ECT2L: variants seen among roughly 807,000 people sequenced by gnomAD.
The protein encoded by ECT2L is epithelial cell-transforming sequence 2 oncogene-like.
In ECT2L, 126 loss-of-function variants were observed where a neutral mutation model predicts 122.8. The ratio of observed to expected loss-of-function variants is 1.03; its 90% CI spans 0.89 to 1.19. The LOEUF (loss-of-function observed/expected upper bound fraction) is 1.19, where lower values mean the gene tolerates loss of function less well. Among genes scored for constraint, ECT2L ranks in the 50% most tolerant of loss-of-function variants. The probability of loss-of-function intolerance (pLI) is 0.00; values close to 1 mark genes in which losing one functional copy is unlikely to be tolerated. For synonymous variants in ECT2L, 385 were observed against 381.8 expected, an observed-to-expected ratio of 1.01 and a Z score of -0.10; for missense variants, 1,012 against 1,064.1, an observed-to-expected ratio of 0.95 and a Z score of 0.68.
intron 10 of ECT2L, among the ~76,000 whole-genome samples, chr6:138,862,292 G>A (rs1253130414): frequency 6.6e-6 from 1 of 152,184 alleles, no homozygotes; most frequent in East Asian, 1.9e-4. Context: ...GGCATCTGGT[G>A]AGGGCCTCAG....
chr6:138,815,307 C>T (rs867641097), intron 4 of ECT2L, among the ~76,000 whole-genome samples: 3 of 152,298 alleles, frequency 2.0e-5, no homozygotes, highest in Non-Finnish European at 2.9e-5. Context: ...CAAAACAACC[C>T]GTGGCTTGTT....
chr6:138,819,370 T>C (rs1360477385), intron 4 of ECT2L, among the ~76,000 whole-genome samples: 2 of 152,176 alleles, frequency 1.3e-5, no homozygotes, highest in Non-Finnish European at 2.9e-5. Context: ...CTTGAAGTTC[T>C]CACTCCCATT....
At chr6:138,889,176 G>T in intron 20 of ECT2L, 145 bp downstream of exon 20, 1 of 367,464 alleles carries the variant, frequency 2.7e-6, no homozygotes, top group Non-Finnish European at 5.0e-6. Flanking sequence ...AAGTTACAGA[G>T]GACTCCCTCT....
chr6:138,831,446 G>A (rs2128383780), intron 4 of ECT2L, among the ~76,000 whole-genome samples: 1 of 152,264 alleles, frequency 6.6e-6, no homozygotes, highest in South Asian at 2.1e-4. Context: ...CATAGTTCCT[G>A]GTGCTTCAGC....
At chr6:138,890,849 G>GTT (rs66472461) in intron 20 of ECT2L, among the ~76,000 whole-genome samples, 3 of 151,770 alleles carry the variant, frequency 2.0e-5, no homozygotes, top group African/African-American at 7.3e-5. Context: ...TAGGTTGGTG[G>GTT]TTTTTTCTTT....
rs1776338991 is a variant in ECT2L, at chr6:138,823,622, A to C, written c.179+9019A>C. ...CCATCCAAGTCACAGAAAGCATTGC[A>C]CTCTTTCACAGCTGCCTCAACCCAA... On this transcript the variant is annotated intron_variant, in intron 4 of 21. Coordinates refer to ENST00000541398, the MANE Select transcript of ECT2L (RefSeq NM_001077706.3). The C allele has an allele frequency of 2.7e-5, 38 of 1,410,344 alleles. 8 individuals are homozygous for C. The highest frequency in any genetic ancestry group is 3.6e-5 in the Non-Finnish European group (38 of 1,044,738). 87.4% of individuals were successfully genotyped at this position (1,410,344 alleles called of 1,614,324 possible). A position where few individuals can be genotyped will look rare whatever the true frequency, so the allele number is the denominator to read the frequency against.
chr6:138,862,413 G>A (rs1395331196), intron 10 of ECT2L, among the ~76,000 whole-genome samples: 1 of 152,066 alleles, frequency 6.6e-6, no homozygotes, highest in Non-Finnish European at 1.5e-5. Flanking sequence ...ACCAGATCTT[G>A]TGTGAACTCA....
At chr6:138,896,535 G>A (rs543372950) in intron 20 of ECT2L, among the ~76,000 whole-genome samples, 3 of 152,206 alleles carry the variant, frequency 2.0e-5, no homozygotes, top group Admixed American at 2.0e-4. Context: ...ACTCATTTTG[G>A]GGACCCCAAA....
At chr6:138,799,547 G>T (rs189208555) in intron 1 of ECT2L, among the ~76,000 whole-genome samples, 1 of 151,640 alleles carries the variant, frequency 6.6e-6, no homozygotes, top group African/African-American at 2.4e-5. Flanking sequence ...GAGCCACCGC[G>T]CCCGGCCTCT....
chr6:138,873,786 C>A (rs997588529), intron 13 of ECT2L, among the ~76,000 whole-genome samples: 3 of 151,950 alleles, frequency 2.0e-5, no homozygotes, highest in African/African-American at 7.3e-5. Flanking sequence ...AAGAGCAAGA[C>A]TTTGTCTCAA....
intron 20 of ECT2L, among the ~76,000 whole-genome samples, chr6:138,900,307 C>T (rs968017035): frequency 2.0e-5 from 3 of 151,750 alleles, no homozygotes; most frequent in African/African-American, 4.8e-5. Context: ...AGTGCAGTGG[C>T]GCAATCTCAA....
intron 20 of ECT2L, 100 bp downstream of exon 20, chr6:138,889,131 A>C (rs1363660840): frequency 6.1e-6 from 3 of 494,200 alleles, no homozygotes; most frequent in Non-Finnish European, 1.0e-5. Context: ...TGTCTGACAC[A>C]GTAGGTTTGA....
At chr6:138,842,542 T>C (rs562246668) in intron 5 of ECT2L, among the ~76,000 whole-genome samples, 92 of 151,682 alleles carry the variant, frequency 6.1e-4, no homozygotes, top group African/African-American at 1.9e-3. Flanking sequence ...GAGGCCAAGG[T>C]GGGCGGATCA....
intron 10 of ECT2L, among the ~76,000 whole-genome samples, chr6:138,861,807 A>C (rs933553131): frequency 3.3e-5 from 5 of 152,276 alleles, no homozygotes; most frequent in African/African-American, 1.2e-4. Context: ...TGCCCAGGGA[A>C]GGGGCTAAAT....
intron 20 of ECT2L, among the ~76,000 whole-genome samples, chr6:138,898,435 C>T (rs921158027): frequency 9.9e-5 from 15 of 152,160 alleles, no homozygotes; most frequent in Admixed American, 8.5e-4. Context: ...CTAACGCTGT[C>T]CAAGTAGCTG....
At chr6:138,868,056 A>G (rs750926386) in intron 12 of ECT2L, 47 bp from the exon 13 acceptor site, 10 of 1,335,434 alleles carry the variant, frequency 7.5e-6, no homozygotes, top group Non-Finnish European at 1.0e-5. Context: ...TTTAAATCAC[A>G]TTTCTTACAT....
At chr6:138,853,855 C>A (rs1399390738) in intron 9 of ECT2L, among the ~76,000 whole-genome samples, 171 bp from the exon 10 acceptor site, 1 of 152,152 alleles carries the variant, frequency 6.6e-6, no homozygotes, top group African/African-American at 2.4e-5. Context: ...GAGACCAGGA[C>A]CATGGAGATG....
In ECT2L at chr6:138,881,049, A is replaced by C. The variant is rs775828383; in HGVS notation, c.1758A>C (p.Glu586Asp). 6.2e-7 allele frequency: 1 copy of C among 1,614,170 alleles called. No homozygotes were observed. Among genetic ancestry groups the C allele is most frequent in the South Asian group, 1.1e-5 (1 of 91,082 alleles). The change falls in exon 15 of 22, where the codon GAA becomes GAC. Residue 586 changes from glutamate (E) to aspartate (D), a missense_variant. Glu to Asp is a conservative substitution (Grantham distance 45, BLOSUM62 2). Coordinates refer to ENST00000541398, the MANE Select transcript of ECT2L (RefSeq NM_001077706.3). ...AGAGAAAATACGTGCAGATACTGGAAATTGTGAGAGATGTTTATGTCGCAC... is the reference window on the plus strand; with the variant it reads ...AGAGAAAATACGTGCAGATACTGGACATTGTGAGAGATGTTTATGTCGCAC... ...QSERKYVQILEIVRDVYVAPL... is the reference protein window; with the variant it reads ...QSERKYVQILDIVRDVYVAPL...
intron 20 of ECT2L, among the ~76,000 whole-genome samples, chr6:138,892,936 C>T (rs1400503943): frequency 6.6e-6 from 1 of 152,182 alleles, no homozygotes; most frequent in Non-Finnish European, 1.5e-5. Flanking sequence ...GCATCAGAGG[C>T]TACAGTTTTC....
Sources: allele counts gnomAD v4.1 joint callset (sites outside exome capture counted in the v4.1 genomes callset), GRCh38; gene constraint gnomAD v4.1.1; transcripts MANE v1.5; gene names NCBI Gene and HGNC (gene_info 2026-07-23, HGNC 2026-07-21).